Variants in CEP164 observed in about 807,000 individuals in gnomAD.
CEP164 encodes centrosomal protein 164.
CEP164 carries 162 observed loss-of-function variants against 182.7 expected under a neutral mutation model. That is an observed-to-expected ratio of 0.89 (90% CI 0.78 to 1.01). CEP164 has a LOEUF of 1.01. Among genes scored for constraint, CEP164 ranks in the 50% least tolerant of loss-of-function variants. CEP164 has a pLI of 0.00. For missense variants in CEP164, 1,735 were observed against 1,790.4 expected, an observed-to-expected ratio of 0.97 and a Z score of 0.56; for synonymous variants, 661 against 690.0, an observed-to-expected ratio of 0.96 and a Z score of 0.66.
intron 19 of CEP164, 40 bp from the exon 20 acceptor site, chr11:117,392,964 C>T: frequency 1.2e-6 from 2 of 1,610,148 alleles, no homozygotes; most frequent in East Asian, 2.2e-5. Flanking sequence ...GCTGGTCCGC[C>T]TCGGTTCTTC....
chr11:117,399,591 C>G (rs2045915530), intron 27 of CEP164, among the ~76,000 whole-genome samples: 1 of 152,188 alleles, frequency 6.6e-6, no homozygotes, highest in African/African-American at 2.4e-5. Context: ...CTAATTTATG[C>G]TTACACCAAC....
intron 2 of CEP164, chr11:117,336,489 G>C: frequency 6.7e-7 from 1 of 1,499,740 alleles, no homozygotes; most frequent in Non-Finnish European, 9.2e-7. Context: ...GATTGCCCTG[G>C]GGAACTCCTA....
Position 117,390,830 on chromosome 11 carries a change from G to C in CEP164, c.1988G>C (p.Arg663Thr). The C allele has an allele frequency of 6.2e-7, 1 of 1,613,832 alleles. No individual in the cohort carries two copies. The change falls in exon 16 of 33, where the codon AGA becomes ACA. Residue 663 changes from arginine (R) to threonine (T), a missense_variant. Physicochemically the swap from Arg to Thr is moderately conservative, Grantham distance 71. Transcript: ENST00000278935. ...ATTGAGGAGGAGGAGGCCCGGATGA[G>C]AGAGGAGGAAAGCCAGAGGCTATCC... is the stretch of plus-strand genomic sequence containing the variant. ...KAIEEEEARM[R>T]EEESQRLSWL...
At chr11:117,356,474 G>A (rs2135544040) in intron 5 of CEP164, 1 of 1,283,986 alleles carries the variant, frequency 7.8e-7, no homozygotes, top group East Asian at 5.6e-5. Context: ...TCCTCAGGAG[G>A]TGGCCCTCGC....
chr11:117,359,331 G>A (rs1265555697), intron 5 of CEP164: 2 of 811,116 alleles, frequency 2.5e-6, no homozygotes, highest in Non-Finnish European at 3.0e-6. Context: ...GGTTGTGAGA[G>A]TAAAATAAGA....
intron 7 of CEP164, among the ~76,000 whole-genome samples, chr11:117,362,846 C>A (rs2041153795): frequency 6.6e-6 from 1 of 152,146 alleles, no homozygotes; most frequent in Non-Finnish European, 1.5e-5. Flanking sequence ...TCCCTGGAAA[C>A]CTAATCTGCT....
upstream of CEP164, among the ~76,000 whole-genome samples, chr11:117,325,315 T>C (rs528903797): frequency 3.3e-3 from 494 of 151,790 alleles, 2 homozygotes; most frequent in Middle Eastern, 0.014. Flanking sequence ...GAGCTCCTCA[T>C]CTCAGGTGAT....
chr11:117,355,292 T>C (rs1318128365), intron 5 of CEP164: 1 of 1,289,794 alleles, frequency 7.8e-7, no homozygotes, highest in African/African-American at 1.5e-5. Context: ...CCTGGGGTTT[T>C]CAGATCCTGA....
chr11:117,392,573 A>G lies in CEP164; in HGVS notation c.2439A>G (p.Gln813=), dbSNP rs749633955. The G allele has an allele frequency of 1.2e-6, 2 of 1,614,176 alleles. No homozygotes were observed. Among genetic ancestry groups the G allele is most frequent in the African/African-American group, 1.3e-5 (1 of 75,056 alleles). Residue 813 remains glutamine, a synonymous_variant, in exon 19 of 33, where the codon CAA becomes CAG. Coordinates refer to ENST00000278935, the MANE Select transcript of CEP164 (RefSeq NM_014956.5). Reference sequence around the variant, plus strand: ...CCCAGCTGCAGAAGTGCCTTGGGCAAGTGGAGCACAGAGTTCACCAGAAGT... The same window carrying G: ...CCCAGCTGCAGAAGTGCCTTGGGCAGGTGGAGCACAGAGTTCACCAGAAGT... ...EEAQLQKCLG[Q]VEHRVHQKSY...
At chr11:117,343,385 C>G (rs1042608725) in intron 3 of CEP164, among the ~76,000 whole-genome samples, 1 of 152,324 alleles carries the variant, frequency 6.6e-6, no homozygotes, top group South Asian at 2.1e-4. Flanking sequence ...GCACGTGTCA[C>G]CTGGGTTGTA....
chr11:117,328,896 C>T (rs755606373), intron 1 of CEP164, among the ~76,000 whole-genome samples: 3 of 152,116 alleles, frequency 2.0e-5, no homozygotes. Context: ...CTCTGATTTC[C>T]CTCCTCTCTC....
At chr11:117,324,774 G>T (rs1290922443), upstream of CEP164, among the ~76,000 whole-genome samples, 1 of 152,038 alleles carries the variant, frequency 6.6e-6, no homozygotes, top group African/African-American at 2.4e-5. Context: ...GGCCGAGGTG[G>T]GTGGATCACC....
intron 2 of CEP164, among the ~76,000 whole-genome samples, chr11:117,337,558 T>A (rs2037385828): frequency 6.7e-6 from 1 of 149,846 alleles, no homozygotes; most frequent in Non-Finnish European, 1.5e-5. Context: ...TTTGAAGGGA[T>A]GTAGCTCCTT....
chr11:117,395,214 C>G (rs1003003016), intron 23 of CEP164, 23 bp downstream of exon 23: 3 of 1,610,554 alleles, frequency 1.9e-6, no homozygotes, highest in East Asian at 2.2e-5. Flanking sequence ...GTTTTGTCCT[C>G]CCTCCTGTTC....
chr11:117,396,185 GCTGGGGGCTGGGGC>G lies in CEP164; in HGVS notation c.3216+20_3216+33del, dbSNP rs200103555. On this transcript the variant is annotated splice_donor_region_variant and intron_variant, in intron 25 of 32. Coordinates refer to ENST00000278935, the MANE Select transcript of CEP164 (RefSeq NM_014956.5). ...CTGAGGAAATCCCTTGGAACAGTGA[GCTGGGGGCTGGGGC>G]CTGGGGGCTGGGGCACCAGGATGGT... 32,798 of 1,610,816 alleles carry G rather than the reference GCTGGGGGCTGGGGC, an allele frequency of 0.02. 668 individuals carry two copies. Among genetic ancestry groups the G allele is most frequent in the Non-Finnish European group, 0.024 (27,899 of 1,177,354 alleles).
At chr11:117,390,745 T>G in intron 15 of CEP164, 32 bp from the exon 16 acceptor site, 1 of 1,613,288 alleles carries the variant, frequency 6.2e-7, no homozygotes, top group East Asian at 2.2e-5. Context: ...TTGTGGTTTC[T>G]CTGACAACCT....
chr11:117,346,400 G>A (rs1400134820), intron 4 of CEP164, among the ~76,000 whole-genome samples: 2 of 151,778 alleles, frequency 1.3e-5, no homozygotes, highest in Non-Finnish European at 2.9e-5. Context: ...CTGGGATTAC[G>A]TGTGTGTGCC....
intron 11 of CEP164, among the ~76,000 whole-genome samples, chr11:117,379,996 G>A (rs1294673671): frequency 6.6e-6 from 1 of 151,742 alleles, no homozygotes; most frequent in African/African-American, 2.4e-5. Context: ...ATTGTCTGCT[G>A]ATGGGGCCAG....
At position 117,351,973 on chromosome 11, in the gene CEP164, C is replaced by G. The variant is rs1475251883; in HGVS notation, c.378C>G (p.Pro126=). ...AGAAAGACAAGAAGGACAGAGACCC[C>G]CCCAAAAGTTCGCTGGTGAGTCAGT... ...KEKKDKKDRD[P]PKSSLALGSS... Residue 126 remains proline (P), a synonymous_variant, in exon 5 of 33, where the codon CCC becomes CCG. Coordinates refer to ENST00000278935, the MANE Select transcript of CEP164 (RefSeq NM_014956.5). The G allele has an allele frequency of 5.7e-6, 9 of 1,585,530 alleles. No homozygotes were observed. Among genetic ancestry groups the G allele is most frequent in the Non-Finnish European group, 7.7e-6 (9 of 1,165,506 alleles).
Sources: gnomAD v4.1 joint callset for allele counts (sites outside exome capture counted in the v4.1 genomes callset) on GRCh38, gnomAD v4.1.1 for gene constraint, MANE v1.5 for transcripts, NCBI Gene and HGNC (gene_info 2026-07-23, HGNC 2026-07-21) for gene names.